The following TUBGCP5 variants were observed in gnomAD, a reference collection of about 807,000 sequenced individuals.
TUBGCP5 encodes tubulin gamma complex component 5.
A neutral mutation model predicts 134.7 loss-of-function variants in TUBGCP5; 98 were observed. That is an observed-to-expected ratio of 0.73 (90% CI 0.62 to 0.86). TUBGCP5 has a LOEUF of 0.86. Among genes scored for constraint, TUBGCP5 ranks in the 40% least tolerant of loss-of-function variants. The pLI, the probability that TUBGCP5 is intolerant of heterozygous loss-of-function variation, is 0.00. For synonymous variants in TUBGCP5, 456 were observed against 431.4 expected (o/e 1.06, Z -0.71); for missense variants, 1,150 against 1,244.8 (o/e 0.92, Z 1.15).
chr15:23,024,982 G>A lies in TUBGCP5; in HGVS notation c.828-152C>T, dbSNP rs921169431. Reference sequence around the variant, plus strand: ...AGCAGCATGATCACAGCTCACTGGAGCCACAACCTCCTGGGTTCAAGTGAT... The same window carrying A: ...AGCAGCATGATCACAGCTCACTGGAACCACAACCTCCTGGGTTCAAGTGAT... On this transcript the variant is annotated intron_variant, in intron 8 of 22. Coordinates refer to ENST00000615383, the MANE Select transcript of TUBGCP5 (RefSeq NM_052903.6). The A allele has an allele frequency of 7.2e-4, 407 of 564,948 alleles. 2 individuals are homozygous for A. The East Asian group carries it at 0.013, about 18-fold the overall frequency. The allele number at this position is 564,948 out of a possible 1,614,324, so 35.0% of individuals were successfully genotyped here.
At chr15:23,009,840 C>T (rs2064932304) in intron 15 of TUBGCP5, 105 bp downstream of exon 15, 4 of 972,480 alleles carry the variant, frequency 4.1e-6, no homozygotes, top group South Asian at 2.1e-5. Flanking sequence ...ACTGTATATC[C>T]ATTTCCTACT....
chr15:22,993,537 T>TTTTTTTTTTTTTTTTTTTG (rs2063929929), intron 23 of TUBGCP5, among the ~76,000 whole-genome samples: 1 of 112,538 alleles, frequency 8.9e-6, no homozygotes, highest in Admixed American at 8.6e-5. Context: ...TTTTTTTTTT[T>TTTTTTTTTTTTTTTTTTTG]TTTTTTTTTT....
rs77477591 is a variant in TUBGCP5, at chr15:23,014,714, C to A, written c.1756+3059G>T. On this transcript the variant is annotated intron_variant, in intron 13 of 22. Coordinates refer to ENST00000615383, the MANE Select transcript of TUBGCP5 (RefSeq NM_052903.6). ...CAGGCTAGCAAAGCAGCCTTGTACCCACATCCTGGGCCTAAGAAACAGCCT... is the reference window on the plus strand; with the variant it reads ...CAGGCTAGCAAAGCAGCCTTGTACCAACATCCTGGGCCTAAGAAACAGCCT... 9.7e-4 allele frequency among the ~76,000 whole-genome samples: 148 copies of A among 152,310 alleles called. 1 individual carries two copies. The highest frequency in any genetic ancestry group is 3.3e-3 in the African/African-American group (139 of 41,576).
intron 13 of TUBGCP5, among the ~76,000 whole-genome samples, chr15:23,014,235 T>A (rs1281539045): frequency 6.6e-6 from 1 of 152,192 alleles, no homozygotes; most frequent in Non-Finnish European, 1.5e-5. Flanking sequence ...GACAGGCCCG[T>A]GGCCTACCCA....
At chr15:22,993,815 G>C (rs62009534) in intron 23 of TUBGCP5, among the ~76,000 whole-genome samples, 13,372 of 151,812 alleles carry the variant, frequency 0.088, 1,026 homozygotes, top group East Asian at 0.45. Flanking sequence ...AAAGTGTTGG[G>C]ATTACAGGCG....
At chr15:23,030,601 T>TAAAAAA (rs10632423) in intron 6 of TUBGCP5, among the ~76,000 whole-genome samples, 30 of 119,546 alleles carry the variant, frequency 2.5e-4, no homozygotes, top group Middle Eastern at 5.4e-3. Flanking sequence ...CTTCTCCAAT[T>TAAAAAA]AAAAAAAAAA....
intron 13 of TUBGCP5, among the ~76,000 whole-genome samples, chr15:23,016,079 A>G (rs2065297783): frequency 6.6e-6 from 1 of 152,248 alleles, no homozygotes; most frequent in African/African-American, 2.4e-5. Flanking sequence ...GAGATACAAG[A>G]GAACTCGGTG....
intron 23 of TUBGCP5, among the ~76,000 whole-genome samples, chr15:22,993,557 T>TTTTTA (rs2063932615): frequency 4.9e-5 from 6 of 123,338 alleles, no homozygotes; most frequent in African/African-American, 2.2e-4. Flanking sequence ...TTTTTTTTTT[T>TTTTTA]AATATGAGAC....
chr15:23,030,270 A>G (rs1423977455), intron 6 of TUBGCP5, among the ~76,000 whole-genome samples: 1 of 152,150 alleles, frequency 6.6e-6, no homozygotes, highest in Non-Finnish European at 1.5e-5. Flanking sequence ...CTTGCCATCT[A>G]TGTATTAAGA....
At chr15:23,029,304 C>T (rs539964316) in intron 6 of TUBGCP5, among the ~76,000 whole-genome samples, 5 of 152,260 alleles carry the variant, frequency 3.3e-5, no homozygotes, top group African/African-American at 7.2e-5. Context: ...TCTCTGCAAC[C>T]TCTACCTGCT....
rs916040205 is a variant in TUBGCP5, at chr15:23,031,829, T to C, written c.486+121A>G. ...ATCAGTCTTCCATAATAAATGACTCTAGCTTAGTGAAGAGTGTTCCTGTTT... is the reference window on the plus strand; with the variant it reads ...ATCAGTCTTCCATAATAAATGACTCCAGCTTAGTGAAGAGTGTTCCTGTTT... On this transcript the variant is annotated intron_variant, in intron 5 of 22. Coordinates refer to ENST00000615383, the MANE Select transcript of TUBGCP5 (RefSeq NM_052903.6). The C allele has an allele frequency of 1.9e-5, 12 of 615,908 alleles. No homozygotes were observed. In the Admixed American group the frequency reaches 2.9e-4, roughly 15 times the overall value. The allele number at this position is 615,908 out of a possible 1,614,324, so 38.2% of individuals were successfully genotyped here.
chr15:22,993,345 G>A lies in TUBGCP5; in HGVS notation c.*61+3500C>T, dbSNP rs541137607. The stretch of plus-strand genomic sequence containing the variant: ...GAACTCCTGACCTCGTGATTCGCCT[G>A]CCTCTGCCTCCCAAAGTGCTGAGAT... On this transcript the variant is annotated intron_variant and NMD_transcript_variant, in intron 23 of 23. Transcript: ENST00000614508. 1.3e-4 allele frequency among the ~76,000 whole-genome samples: 19 copies of A among 151,334 alleles called. No homozygotes were observed. The East Asian group carries it at 3.8e-3, about 30-fold the overall frequency.
rs142537491 is a variant in TUBGCP5, at chr15:23,036,547, G to A, written c.309+350C>T. On this transcript the variant is annotated intron_variant, in intron 3 of 22. Transcript: ENST00000615383. ...TCTTGGGGAATCCCCCAAACAATAT[G>A]AAAGTATACCAGGCATCTAGTAAGC... 3.0e-4 allele frequency among the ~76,000 whole-genome samples: 45 copies of A among 151,908 alleles called. 1 individual carries two copies. Among genetic ancestry groups the A allele is most frequent in the African/African-American group, 9.4e-4 (39 of 41,414 alleles).
intron 22 of TUBGCP5, 85 bp from the exon 23 acceptor site, chr15:22,999,951 CCCAG>C (rs2064275333): frequency 7.1e-6 from 9 of 1,274,098 alleles, no homozygotes; most frequent in Non-Finnish European, 1.0e-5. Flanking sequence ...CCCACTGTCA[CCCAG>C]GCTGGAGTGC....
chr15:23,027,061 A>G, intron 7 of TUBGCP5, 131 bp downstream of exon 7: 1 of 747,376 alleles, frequency 1.3e-6, no homozygotes, highest in Non-Finnish European at 2.1e-6. Flanking sequence ...CTGTCTCCAA[A>G]AAAAAAAGAA....
At chr15:23,003,843 G>A (rs1467165407) in intron 20 of TUBGCP5, among the ~76,000 whole-genome samples, 1 of 151,962 alleles carries the variant, frequency 6.6e-6, no homozygotes, top group Non-Finnish European at 1.5e-5. Flanking sequence ...TGTAAAGACA[G>A]AGTCTTGCTA....
chr15:22,998,450 C>A (rs1176696951), downstream of TUBGCP5, among the ~76,000 whole-genome samples: 1 of 152,104 alleles, frequency 6.6e-6, no homozygotes, highest in Non-Finnish European at 1.5e-5. Flanking sequence ...AACATATATA[C>A]ATTTCTTTCT....
chr15:23,030,861 C>G, intron 6 of TUBGCP5, 24 bp downstream of exon 6: 2 of 1,597,622 alleles, frequency 1.3e-6, no homozygotes, highest in African/African-American at 1.4e-5. Context: ...TTAGAAAATG[C>G]GAGCACCTCA....
At chr15:22,989,249 A>G (rs1275624104) in intron 23 of TUBGCP5, among the ~76,000 whole-genome samples, 4 of 152,214 alleles carry the variant, frequency 2.6e-5, no homozygotes, top group Non-Finnish European at 5.9e-5. Context: ...TGGGGCTACC[A>G]TTCCGCCTTG....
Sources: allele counts gnomAD v4.1 joint callset (sites outside exome capture counted in the v4.1 genomes callset), GRCh38; gene constraint gnomAD v4.1.1; transcripts MANE v1.5; gene names NCBI Gene and HGNC (gene_info 2026-07-23, HGNC 2026-07-21).